The following HERC6 variants were observed in gnomAD, a reference collection of about 807,000 sequenced individuals.
HERC6 encodes the protein probable E3 ubiquitin-protein ligase HERC6.
A neutral mutation model predicts 114.5 loss-of-function variants in HERC6; 101 were observed. The observed-to-expected ratio is 0.88, with a 90% CI of 0.75 to 1.04. The LOEUF is 1.04. Ranked by LOEUF, HERC6 falls within the 50% of genes least tolerant of loss-of-function variation. The pLI is 0.00. For synonymous variants in HERC6, 408 were observed against 436.2 expected (o/e 0.94, Z 0.81); for missense variants, 1,133 against 1,230.9 (o/e 0.92, Z 1.19).
rs200147479 is a variant in HERC6 at position 88,404,874 on chromosome 4, A to G, written c.1093-2A>G. Reference sequence around the variant, plus strand: ...TCATTCTTGTTTCTTCCTTCCCTGAAGGATACTAGTTCCACACGTGCTCCC... The same window carrying G: ...TCATTCTTGTTTCTTCCTTCCCTGAGGGATACTAGTTCCACACGTGCTCCC... On this transcript the variant is annotated splice_acceptor_variant, in intron 8 of 22. Transcript: ENST00000264346. LOFTEE classifies it high-confidence loss of function. The G allele has an allele frequency of 3.4e-4, 550 of 1,613,224 alleles. 5 individuals carry two copies. The South Asian group carries it at 5.0e-3, about 15-fold the overall frequency.
At chr4:88,428,087 C>G (rs1338147407) in intron 15 of HERC6, among the ~76,000 whole-genome samples, 1 of 152,194 alleles carries the variant, frequency 6.6e-6, no homozygotes, top group Non-Finnish European at 1.5e-5. Context: ...ATGGATGGAT[C>G]ATAGTTATTG....
chr4:88,399,408 C>T (rs560144668), intron 8 of HERC6: 1 of 152,276 alleles, frequency 6.6e-6, no homozygotes, highest in East Asian at 1.9e-4. Context: ...GACAAAGTTA[C>T]CCTCATTCAT....
rs747850064 is a variant in HERC6 at position 88,404,934 on chromosome 4, AGTCCATG to A, written c.1153_1159del (p.Ser385GlnfsTer5). 6 of 1,613,942 alleles carry A rather than the reference AGTCCATG, an allele frequency of 3.7e-6. No homozygotes were observed. The highest frequency in any genetic ancestry group is 3.3e-5 in the Admixed American group (2 of 60,022). On this transcript the variant is annotated frameshift_variant, in exon 9 of 23. Coordinates refer to ENST00000264346, the MANE Select transcript of HERC6 (RefSeq NM_017912.4). LOFTEE classifies it high-confidence loss of function. ...CTGCCAGAAATAAGCCGAATTAGCC[AGTCCATG>A]GCAGAAAAATGGATAGCAGTGAAAA...
At chr4:88,437,155 C>G (rs1185774739) in intron 19 of HERC6, among the ~76,000 whole-genome samples, 184 bp downstream of exon 19, 2 of 151,736 alleles carry the variant, frequency 1.3e-5, no homozygotes, top group Non-Finnish European at 2.9e-5. Context: ...CTCCTGGGTT[C>G]AAGTGATTCT....
intron 20 of HERC6, among the ~76,000 whole-genome samples, chr4:88,439,281 G>A (rs1479774301): frequency 6.6e-6 from 1 of 152,000 alleles, no homozygotes; most frequent in Non-Finnish European, 1.5e-5. Flanking sequence ...GGCTGTGGCG[G>A]GAGGTTCGCT....
chr4:88,382,330 T>C (rs1360133535), intron 1 of HERC6, among the ~76,000 whole-genome samples: 1 of 152,142 alleles, frequency 6.6e-6, no homozygotes, highest in Non-Finnish European at 1.5e-5. Context: ...TGGGCATATT[T>C]AGGGCCTCCA....
chr4:88,390,177 CAAAAAAAAAAAAAA>C (rs1156777502), intron 3 of HERC6, among the ~76,000 whole-genome samples: 2 of 48,644 alleles, frequency 4.1e-5, no homozygotes, highest in African/African-American at 8.9e-5. Flanking sequence ...AACTCTGTAT[CAAAAAAAAAAAAAA>C]AAAAAAAAAA....
At chr4:88,440,420 T>A in intron 22 of HERC6, 170 bp downstream of exon 22, 1 of 565,460 alleles carries the variant, frequency 1.8e-6, no homozygotes, top group East Asian at 2.9e-5. Flanking sequence ...GGGTGAGGTA[T>A]AGAGCAGAAA....
At chr4:88,381,554 CTTTTTTTTTTT>C (rs142058374) in intron 1 of HERC6, among the ~76,000 whole-genome samples, 92 of 95,830 alleles carry the variant, frequency 9.6e-4, no homozygotes, top group Non-Finnish European at 1.7e-3. Context: ...CCCTTCTCTT[CTTTTTTTTTTT>C]TTTTTTTTTT....
rs1020208821 is a variant in HERC6, at chr4:88,428,476, G to A, written c.1936-104G>A. The A allele has an allele frequency of 5.2e-6, 4 of 768,764 alleles. No homozygotes were observed. The African/African-American group carries it at 5.4e-5, about 10-fold the overall frequency. The allele number at this position is 768,764 out of a possible 1,614,324, so 47.6% of individuals were successfully genotyped here. ...ATGTGAATGTTTATAGCAATGGCAG[G>A]ATTAAGTATATACTACACAAAATGT... On this transcript the variant is annotated intron_variant, in intron 15 of 22. Coordinates refer to ENST00000264346, the MANE Select transcript of HERC6 (RefSeq NM_017912.4).
chr4:88,383,078 T>C (rs1734397608), intron 1 of HERC6, 143 bp from the exon 2 acceptor site: 1 of 973,344 alleles, frequency 1.0e-6, no homozygotes, highest in African/African-American at 1.6e-5. Flanking sequence ...TAGAATGGAC[T>C]TAAGGTCTTG....
intron 3 of HERC6, among the ~76,000 whole-genome samples, chr4:88,388,069 T>TA (rs1398558756): frequency 1.3e-5 from 2 of 152,264 alleles, no homozygotes; most frequent in Non-Finnish European, 2.9e-5. Context: ...AATAACTTAT[T>TA]AAAAAATCTC....
At chr4:88,398,029 C>A in intron 7 of HERC6, 113 bp from the exon 8 acceptor site, 1 of 596,190 alleles carries the variant, frequency 1.7e-6, no homozygotes, top group Non-Finnish European at 2.9e-6. Flanking sequence ...TAGTCAAAAT[C>A]CATTTAGGAG....
chr4:88,434,999 T>C (rs1461049938), intron 17 of HERC6, among the ~76,000 whole-genome samples: 1 of 152,220 alleles, frequency 6.6e-6, no homozygotes, highest in East Asian at 1.9e-4. Context: ...AACTAGACTG[T>C]ACCATAGAAT....
At chr4:88,400,960 CAGA>C (rs760871965) in intron 8 of HERC6, among the ~76,000 whole-genome samples, 1 of 151,998 alleles carries the variant, frequency 6.6e-6, no homozygotes, top group Non-Finnish European at 1.5e-5. Context: ...GCTGTATTTC[CAGA>C]AGGAGAAAGT....
At chr4:88,379,685 CAAATATATAATATAT>C (rs1230985271) in intron 1 of HERC6, among the ~76,000 whole-genome samples, 11 of 24,330 alleles carry the variant, frequency 4.5e-4, no homozygotes, top group South Asian at 2.6e-3. Flanking sequence ...TAAATATATA[CAAATATATAATATAT>C]AAATATATAA....
In HERC6 at chr4:88,439,956, T is replaced by A; in HGVS notation, c.2638T>A (p.Tyr880Asn). Residue 880 changes from tyrosine (Y) to asparagine (N), a missense_variant, in exon 21 of 23, where the codon TAT becomes AAT. Transcript: ENST00000264346. ...AVYEEFQRGF[Y>N]RVCEKEILRH... is the part of the protein sequence containing the mutation. ...TTATGAGGAATTTCAGAGAGGATTTTATAGAGTCTGTGAGAAGGAGATACT... is the reference window on the plus strand; with the variant it reads ...TTATGAGGAATTTCAGAGAGGATTTAATAGAGTCTGTGAGAAGGAGATACT... 1 of 1,611,938 alleles carries A rather than the reference T, an allele frequency of 6.2e-7. No individual in the cohort carries two copies. Among genetic ancestry groups the A allele is most frequent in the Non-Finnish European group, 8.5e-7 (1 of 1,179,136 alleles).
rs1236747147 is a variant in HERC6, at chr4:88,421,527, C to T, written c.1714-2333C>T. Among the ~76,000 whole-genome samples, 5 of 151,334 alleles carry T rather than the reference C, an allele frequency of 3.3e-5. No homozygotes were observed. The East Asian group carries it at 9.7e-4, about 29-fold the overall frequency. On this transcript the variant is annotated intron_variant, in intron 13 of 22. Transcript: ENST00000264346. ...CAGTGGCAGGATCTCGGCTCACTGC[C>T]ACCTCCACCTCCCAGGTTCAAGCGA...
chr4:88,441,909 G>A (rs1435219548), intron 22 of HERC6, among the ~76,000 whole-genome samples: 10 of 152,152 alleles, frequency 6.6e-5, no homozygotes, highest in African/African-American at 9.7e-5. Context: ...TGACCTCTGT[G>A]AAGTCTCTCT....
Sources: allele counts gnomAD v4.1 joint callset (sites outside exome capture counted in the v4.1 genomes callset), GRCh38; gene constraint gnomAD v4.1.1; transcripts MANE v1.5; gene names NCBI Gene and HGNC (gene_info 2026-07-23, HGNC 2026-07-21).